The following ZC3H4 variants were observed in gnomAD, a reference collection of about 807,000 sequenced individuals.
ZC3H4 encodes the protein zinc finger CCCH-type containing 4.
Under a neutral mutation model 108.3 loss-of-function variants are expected in ZC3H4, and 13 were observed. That is an observed-to-expected ratio of 0.12 (90% CI 0.08 to 0.19). ZC3H4 has a LOEUF of 0.19. Ranked by LOEUF, ZC3H4 falls within the 10% of genes least tolerant of loss-of-function variation. The pLI is 1.00. For missense variants in ZC3H4, 1,734 were observed against 1,838.8 expected, an observed-to-expected ratio of 0.94 and a Z score of 1.04; for synonymous variants, 917 against 749.6, an observed-to-expected ratio of 1.22 and a Z score of -3.65.
intron 10 of ZC3H4, 114 bp from the exon 11 acceptor site, chr19:47,081,736 G>C (rs1179876800): frequency 4.3e-6 from 4 of 927,712 alleles, no homozygotes; most frequent in Non-Finnish European, 5.1e-6. Context: ...TCTGAGCCCA[G>C]AGAGGTGAGG....
In ZC3H4 at chr19:47,069,065, G is replaced by A. The variant is rs747719617; in HGVS notation, c.2398+27C>T. 11 of 1,601,338 alleles carry A rather than the reference G, an allele frequency of 6.9e-6. No individual in the cohort carries two copies. In the South Asian group the frequency reaches 7.7e-5, roughly 11 times the overall value. On this transcript the variant is annotated intron_variant, in intron 14 of 14. Coordinates refer to ENST00000253048, the MANE Select transcript of ZC3H4 (RefSeq NM_015168.2). The stretch of plus-strand genomic sequence containing the variant: ...CCCTGCACAGCGGCCTGGGGCCTGT[G>A]CCCCGGCCCCTGGGGCGGACACGTG...
At chr19:47,096,406 A>T (rs780306279) in intron 2 of ZC3H4, among the ~76,000 whole-genome samples, 3 of 152,230 alleles carry the variant, frequency 2.0e-5, no homozygotes, top group Non-Finnish European at 4.4e-5. Flanking sequence ...CACAGAAACC[A>T]GGCGTGGAGC....
rs1180585537 is a variant in ZC3H4 at position 47,094,093 on chromosome 19, G to A, written c.382-13C>T. The A allele has an allele frequency of 6.2e-7, 1 of 1,612,692 alleles. No homozygotes were observed. Among genetic ancestry groups the A allele is most frequent in the Non-Finnish European group, 8.5e-7 (1 of 1,178,750 alleles). ...AAGAAGCATGGCGCTGTAATGACAG[G>A]GGAAGGAGACTCAGCAACCTGCCAC... is the stretch of plus-strand genomic sequence containing the variant. On this transcript the variant is annotated splice_polypyrimidine_tract_variant and intron_variant, in intron 3 of 14. Coordinates refer to ENST00000253048, the MANE Select transcript of ZC3H4 (RefSeq NM_015168.2).
intron 2 of ZC3H4, chr19:47,096,864 G>C: frequency 1.0e-6 from 1 of 985,388 alleles, no homozygotes; most frequent in Non-Finnish European, 1.2e-6. Context: ...CATCAGGGCT[G>C]GGTCAGCTGA....
intron 2 of ZC3H4, among the ~76,000 whole-genome samples, chr19:47,107,918 C>T (rs1443491712): frequency 6.6e-6 from 1 of 152,196 alleles, no homozygotes; most frequent in Non-Finnish European, 1.5e-5. Context: ...GAGTCAAACC[C>T]ATGAAGTTTG....
At chr19:47,098,391 G>C (rs534921673) in intron 2 of ZC3H4, among the ~76,000 whole-genome samples, 1 of 151,444 alleles carries the variant, frequency 6.6e-6, no homozygotes, top group Non-Finnish European at 1.5e-5. Flanking sequence ...TCAGGAGGCT[G>C]AGGCACAAGA....
rs777607317 is a variant in ZC3H4, at chr19:47,072,157, C to G, written c.1803-36G>C. ...GAAAAGGTGCCTGTGACGGAAGCTGCCGAGGAGGGCAGTGGCCACACCCCA... is the reference window on the plus strand; with the variant it reads ...GAAAAGGTGCCTGTGACGGAAGCTGGCGAGGAGGGCAGTGGCCACACCCCA... On this transcript the variant is annotated intron_variant, in intron 12 of 14. Transcript: ENST00000253048. This position sits in a 1 kb window ranked among gnomAD's most constrained non-coding sequence, Gnocchi z 5.6. 6.7e-6 allele frequency: 10 copies of G among 1,486,024 alleles called. No individual in the cohort carries two copies. Among genetic ancestry groups the G allele is most frequent in the African/African-American group, 2.8e-5 (2 of 70,770 alleles). The allele number at this position is 1,486,024 out of a possible 1,614,324, so 92.1% of individuals were successfully genotyped here. A position where few individuals can be genotyped will look rare whatever the true frequency, so the allele number is the denominator to read the frequency against.
intron 2 of ZC3H4, among the ~76,000 whole-genome samples, chr19:47,105,261 C>T (rs935234519): frequency 5.3e-5 from 8 of 152,208 alleles, no homozygotes; most frequent in African/African-American, 1.9e-4. Context: ...AACGTAGAAG[C>T]AGCCACTGAT....
chr19:47,067,919 C>A lies in ZC3H4; in HGVS notation c.2399-50G>T. The A allele has an allele frequency of 6.6e-7, 1 of 1,520,158 alleles. No individual in the cohort carries two copies. Among genetic ancestry groups the A allele is most frequent in the East Asian group, 2.4e-5 (1 of 41,112 alleles). 94.2% of individuals were successfully genotyped at this position (1,520,158 alleles called of 1,614,324 possible). A position where few individuals can be genotyped will look rare whatever the true frequency, so the allele number is the denominator to read the frequency against. On this transcript the variant is annotated intron_variant, in intron 14 of 14. Transcript: ENST00000253048. This position sits in a 1 kb window ranked among gnomAD's most constrained non-coding sequence, Gnocchi z 6.4. ...AGGGGTGAGTGGGCGCATCCACCAC[C>A]CGCCCTCTTGGATCCCACAGCAGCC...
intron 9 of ZC3H4, among the ~76,000 whole-genome samples, chr19:47,082,887 G>A (rs940130834): frequency 3.9e-5 from 6 of 152,084 alleles, no homozygotes; most frequent in East Asian, 3.9e-4. Context: ...CTTTATTTCC[G>A]GTTGAACACA....
At chr19:47,095,014 C>A (rs897629394) in intron 2 of ZC3H4, among the ~76,000 whole-genome samples, 40 of 152,376 alleles carry the variant, frequency 2.6e-4, no homozygotes, top group Non-Finnish European at 3.5e-4. Flanking sequence ...GAAACCCACA[C>A]AGCTCTGCTG....
At chr19:47,100,853 G>A (rs1373309631) in intron 2 of ZC3H4, among the ~76,000 whole-genome samples, 1 of 151,650 alleles carries the variant, frequency 6.6e-6, no homozygotes, top group Non-Finnish European at 1.5e-5. Context: ...ACCTGCCACC[G>A]CGTCCAGATA....
chr19:47,101,075 C>T (rs2057897801), intron 2 of ZC3H4, among the ~76,000 whole-genome samples: 1 of 152,082 alleles, frequency 6.6e-6, no homozygotes, highest in Non-Finnish European at 1.5e-5. Context: ...GACACAGTGG[C>T]TCATGCCTGT....
At chr19:47,112,897 G>C (rs2058059292) in intron 1 of ZC3H4, among the ~76,000 whole-genome samples, 1 of 152,168 alleles carries the variant, frequency 6.6e-6, no homozygotes, top group Non-Finnish European at 1.5e-5. Context: ...ACACTGGTGG[G>C]TGGTTGGGTG....
intron 6 of ZC3H4, 72 bp downstream of exon 6, chr19:47,086,312 A>G: frequency 6.3e-7 from 1 of 1,588,094 alleles, no homozygotes; most frequent in East Asian, 2.3e-5. Context: ...CACAGCCTCT[A>G]CCAGCAGTGC....
Position 47,085,182 on chromosome 19 carries a change from G to A in ZC3H4, c.981C>T (p.Gly327=). 1 of 1,613,868 alleles carries A rather than the reference G, an allele frequency of 6.2e-7. No homozygotes were observed. Among genetic ancestry groups the A allele is most frequent in the Non-Finnish European group, 8.5e-7 (1 of 1,179,982 alleles). ...KDSRGRGLSR[G]RGRGSRGRGK... ...CTCGACCTCGGGAGCCCCTGCCACGGCCTCGACTTAGCCCTGTGGAGGGGA... is the reference window on the plus strand; with the variant it reads ...CTCGACCTCGGGAGCCCCTGCCACGACCTCGACTTAGCCCTGTGGAGGGGA... The change falls in exon 8 of 15, where the codon GGC becomes GGT. Residue 327 remains glycine, a synonymous_variant. Transcript: ENST00000253048.
intron 11 of ZC3H4, among the ~76,000 whole-genome samples, chr19:47,076,756 A>G (rs887150127): frequency 2.6e-5 from 4 of 152,184 alleles, no homozygotes; most frequent in Non-Finnish European, 5.9e-5. Flanking sequence ...GCACTTTGGA[A>G]GGCAGAGCCG....
At chr19:47,096,229 A>G (rs2057817904) in intron 2 of ZC3H4, among the ~76,000 whole-genome samples, 1 of 152,164 alleles carries the variant, frequency 6.6e-6, no homozygotes, top group Non-Finnish European at 1.5e-5. Flanking sequence ...CAACTCTCAA[A>G]ACAGAATGCA....
intron 2 of ZC3H4, among the ~76,000 whole-genome samples, chr19:47,099,266 C>A (rs2057869441): frequency 6.6e-6 from 1 of 152,068 alleles, no homozygotes; most frequent in Non-Finnish European, 1.5e-5. Context: ...TCAAGACCAG[C>A]CTGACCAACA....
Sources: gnomAD v4.1 joint callset for allele counts (sites outside exome capture counted in the v4.1 genomes callset) on GRCh38, gnomAD v4.1.1 for gene constraint, Gnocchi (gnomAD v3.1) non-coding constraint, MANE v1.5 for transcripts, NCBI Gene and HGNC (gene_info 2026-07-23, HGNC 2026-07-21) for gene names.